Variants in SLC9C2 observed in about 807,000 individuals in gnomAD.
The protein encoded by SLC9C2 is solute carrier family 9 member C2 (putative).
Under a neutral mutation model 140.2 loss-of-function variants are expected in SLC9C2, and 75 were observed. That is an observed-to-expected ratio of 0.53 (90% CI 0.44 to 0.65). The LOEUF (loss-of-function observed/expected upper bound fraction) is 0.65. Among genes scored for constraint, SLC9C2 ranks in the 30% least tolerant of loss-of-function variants. The pLI is 0.00. For missense variants in SLC9C2, 1,074 were observed against 1,331.8 expected (o/e 0.81, Z 3.01); for synonymous variants, 375 against 420.9 (o/e 0.89, Z 1.34).
intron 16 of SLC9C2, among the ~76,000 whole-genome samples, chr1:173,534,143 A>G (rs1558039050): frequency 1.3e-5 from 2 of 152,154 alleles, no homozygotes; most frequent in African/African-American, 4.8e-5. Flanking sequence ...ATTTTATGAC[A>G]AAGACCTAGC....
At chr1:173,518,240 C>T (rs941679486) in intron 22 of SLC9C2, among the ~76,000 whole-genome samples, 6 of 146,726 alleles carry the variant, frequency 4.1e-5, no homozygotes, top group Admixed American at 7.0e-5. Flanking sequence ...TCCAGCTGGG[C>T]GACAAAGTGA....
At chr1:173,529,802 T>C (rs2101980033) in intron 18 of SLC9C2, 103 bp downstream of exon 18, 1 of 1,298,846 alleles carries the variant, frequency 7.7e-7, no homozygotes, top group African/African-American at 1.5e-5. Context: ...CTTTCAACTG[T>C]TGGAATTTGT....
intron 13 of SLC9C2, among the ~76,000 whole-genome samples, chr1:173,539,057 A>G (rs183661835): frequency 6.6e-6 from 1 of 152,328 alleles, no homozygotes; most frequent in African/African-American, 2.4e-5. Flanking sequence ...AGAGTTCTAC[A>G]AGAAGTTCTA....
chr1:173,559,618 C>A (rs559814529), intron 9 of SLC9C2, among the ~76,000 whole-genome samples: 2 of 152,338 alleles, frequency 1.3e-5, no homozygotes, highest in Admixed American at 1.3e-4. Flanking sequence ...AACATGGGCT[C>A]ACTTTGGTGA....
chr1:173,523,718 T>C (rs1038413305), intron 21 of SLC9C2, among the ~76,000 whole-genome samples: 2 of 152,186 alleles, frequency 1.3e-5, no homozygotes, highest in African/African-American at 4.8e-5. Context: ...CAACATAAAA[T>C]AGAATGGGAT....
chr1:173,576,769 A>G lies in SLC9C2; in HGVS notation c.803-9T>C. On this transcript the variant is annotated splice_polypyrimidine_tract_variant and intron_variant, in intron 7 of 27. Coordinates refer to ENST00000367714, the MANE Select transcript of SLC9C2 (RefSeq NM_178527.4). ...CATTCCTAAAAATTCCACTGGGGAGAAAAAAAAAACAAATGAATCAAATGC... is the reference window on the plus strand; with the variant it reads ...CATTCCTAAAAATTCCACTGGGGAGGAAAAAAAAACAAATGAATCAAATGC... The G allele has an allele frequency of 6.9e-7, 1 of 1,449,104 alleles. No individual in the cohort carries two copies. Among genetic ancestry groups the G allele is most frequent in the Non-Finnish European group, 9.5e-7 (1 of 1,057,240 alleles). 89.8% of individuals were successfully genotyped at this position (1,449,104 alleles called of 1,614,324 possible). A position where few individuals can be genotyped will look rare whatever the true frequency, so the allele number is the denominator to read the frequency against.
chr1:173,534,578 T>C lies in SLC9C2; in HGVS notation c.1880A>G (p.His627Arg). The stretch of plus-strand genomic sequence containing the variant: ...TAAACCTCTTGCCATTGGCCACAGA[T>C]GTATTATCATAGGATAAATATATAT... ...NLIYIYPMII[H>R]LWPMARGLNV... The change falls in exon 16 of 28, where the codon CAT (histidine) becomes CGT (arginine). Residue 627 changes from histidine to arginine, a missense_variant. Transcript: ENST00000367714. The C allele has an allele frequency of 7.5e-6, 12 of 1,598,324 alleles. No homozygotes were observed. Among genetic ancestry groups the C allele is most frequent in the Non-Finnish European group, 9.4e-6 (11 of 1,173,744 alleles).
chr1:173,507,180 T>G (rs1262855443), intron 24 of SLC9C2, 139 bp from the exon 25 acceptor site: 2 of 676,552 alleles, frequency 3.0e-6, no homozygotes, highest in Admixed American at 6.2e-5. Flanking sequence ...AGACAGGATT[T>G]ATTTAGCATT....
At chr1:173,584,632 A>G (rs1425733094) in intron 5 of SLC9C2, among the ~76,000 whole-genome samples, 1 of 151,992 alleles carries the variant, frequency 6.6e-6, no homozygotes, top group Non-Finnish European at 1.5e-5. Context: ...TTTGCTTTTT[A>G]TGTGCTTTTG....
Position 173,602,851 on chromosome 1 carries a change from T to G in SLC9C2, c.-180A>C, listed in dbSNP as rs1007457192. ...TCAAAATGCTACATCTTCAAATCACTTCACCTGTCCCTCCAGTAGCCCTTC... is the reference window on the plus strand; with the variant it reads ...TCAAAATGCTACATCTTCAAATCACGTCACCTGTCCCTCCAGTAGCCCTTC... On this transcript the variant is annotated 5_prime_UTR_variant, in exon 1 of 28. Coordinates refer to ENST00000367714, the MANE Select transcript of SLC9C2 (RefSeq NM_178527.4). 5.3e-5 allele frequency: 8 copies of G among 152,202 alleles called. No homozygotes were observed. Among genetic ancestry groups the G allele is most frequent in the African/African-American group, 1.9e-4 (8 of 41,446 alleles). The allele number at this position is 152,202 out of a possible 1,614,324, so 9.4% of individuals were successfully genotyped here. A position where few individuals can be genotyped will look rare whatever the true frequency, so the allele number is the denominator to read the frequency against.
At chr1:173,548,676 C>T (rs1225915761) in intron 11 of SLC9C2, 124 bp from the exon 12 acceptor site, 1 of 1,006,516 alleles carries the variant, frequency 9.9e-7, no homozygotes, top group Non-Finnish European at 1.5e-6. Flanking sequence ...GTGGTTAGAG[C>T]AAGGACAATT....
chr1:173,572,424 GT>G (rs755529491), intron 9 of SLC9C2, among the ~76,000 whole-genome samples: 2 of 59,348 alleles, frequency 3.4e-5, no homozygotes, highest in Non-Finnish European at 5.3e-5. Flanking sequence ...GCAGACTCAA[GT>G]TTCCATGGGA....
intron 1 of SLC9C2, 111 bp from the exon 2 acceptor site, chr1:173,601,966 G>T: frequency 1.5e-6 from 1 of 657,238 alleles, no homozygotes. Context: ...TCTTGTCACA[G>T]GGCACACATT....
chr1:173,599,432 T>TGGCGCAATCTCG (rs1260948878), intron 3 of SLC9C2, among the ~76,000 whole-genome samples: 7 of 127,610 alleles, frequency 5.5e-5, no homozygotes, highest in African/African-American at 2.0e-4. Context: ...CGGAGTGCAG[T>TGGCGCAATCTCG]GGCGCAATCT....
At chr1:173,587,236 A>C (rs1665904288) in intron 5 of SLC9C2, among the ~76,000 whole-genome samples, 2 of 152,166 alleles carry the variant, frequency 1.3e-5, no homozygotes, top group Non-Finnish European at 2.9e-5. Context: ...AACCTTAGCT[A>C]TTCCAAATGG....
chr1:173,538,115 C>T (rs948449686), intron 13 of SLC9C2, among the ~76,000 whole-genome samples: 1 of 152,142 alleles, frequency 6.6e-6, no homozygotes, highest in East Asian at 1.9e-4. Context: ...AAAAATTATC[C>T]ACCAGTAACA....
intron 9 of SLC9C2, among the ~76,000 whole-genome samples, chr1:173,559,960 C>T (rs1405835326): frequency 6.6e-6 from 1 of 152,160 alleles, no homozygotes; most frequent in Non-Finnish European, 1.5e-5. Flanking sequence ...ATCATCTTCA[C>T]CATGGCATAA....
Position 173,524,926 on chromosome 1 carries a change from T to C in SLC9C2, c.2367A>G (p.Val789=). Residue 789 remains valine (V), a splice_region_variant and synonymous_variant, in exon 20 of 28, where the codon GTA becomes GTG. Transcript: ENST00000367714. ...CATCACGACCCTCATGCTCCATGAG[T>C]ACTACAGCAAAGAAAATAAAATTCA... is the stretch of plus-strand genomic sequence containing the variant. The part of the protein sequence containing the change: ...TNKQDAVKEL[V]LMEHEGRDVV... The C allele has an allele frequency of 1.2e-6, 2 of 1,613,530 alleles. No homozygotes were observed. The highest frequency in any genetic ancestry group is 1.7e-6 in the Non-Finnish European group (2 of 1,179,698).
intron 5 of SLC9C2, 110 bp downstream of exon 5, chr1:173,587,555 A>G: frequency 9.3e-7 from 1 of 1,078,086 alleles, no homozygotes; most frequent in Non-Finnish European, 1.3e-6. Flanking sequence ...AAAAAAAAGC[A>G]CAGAGTCTTA....
Sources: gnomAD v4.1 joint callset for allele counts (sites outside exome capture counted in the v4.1 genomes callset) on GRCh38, gnomAD v4.1.1 for gene constraint, MANE v1.5 for transcripts, NCBI Gene and HGNC (gene_info 2026-07-23, HGNC 2026-07-21) for gene names.